Variants in RARB observed in about 807,000 individuals in gnomAD.
The protein encoded by RARB is retinoic acid receptor beta.
In RARB, 17 loss-of-function variants were observed where a neutral mutation model predicts 51.9. The ratio of observed to expected loss-of-function variants is 0.33; its 90% CI spans 0.22 to 0.49. The LOEUF (loss-of-function observed/expected upper bound fraction) is 0.49, where lower values mean the gene tolerates loss of function less well. RARB is among the 20% of genes least tolerant of loss of function. The probability of loss-of-function intolerance (pLI) is 0.99; values close to 1 mark genes in which losing one functional copy is unlikely to be tolerated. For missense variants in RARB, 369 were observed against 550.8 expected (o/e 0.67, Z 3.30); for synonymous variants, 215 against 195.4 (o/e 1.10, Z -0.84).
intron 5 of RARB, among the ~76,000 whole-genome samples, chr3:25,374,627 C>A (rs1296407792): frequency 6.6e-6 from 1 of 151,990 alleles, no homozygotes; most frequent in Non-Finnish European, 1.5e-5. Context: ...CTCCTTTTTC[C>A]TGTCAACCAG....
chr3:25,330,015 T>G (rs1681071714), intron 5 of RARB, among the ~76,000 whole-genome samples: 1 of 151,352 alleles, frequency 6.6e-6, no homozygotes. Flanking sequence ...TGGGACTATG[T>G]GAAAAGACCA....
chr3:24,893,259 TGG>T (rs1559385494), intron 2 of RARB, among the ~76,000 whole-genome samples: 1 of 152,226 alleles, frequency 6.6e-6, no homozygotes, highest in Non-Finnish European at 1.5e-5. Flanking sequence ...TAATAGTCCC[TGG>T]GAGACATTTT....
chr3:25,246,926 C>A (rs1392944374), intron 5 of RARB, among the ~76,000 whole-genome samples: 3 of 152,226 alleles, frequency 2.0e-5, no homozygotes, highest in Admixed American at 2.0e-4. Context: ...CCCACAGCTG[C>A]CCCTTCCCTC....
chr3:25,580,614 C>T lies in RARB; in HGVS notation c.678C>T (p.Thr226=), dbSNP rs879077895. ...GGGACAAATTCAGTGAACTGGCCAC[C>T]AAGTGCATTATTAAGATCGTGGAGT... ...GLWDKFSELA[T]KCIIKIVEFA... is the part of the protein sequence containing the mutation. The change falls in exon 5 of 8, where the codon ACC becomes ACT. Residue 226 remains threonine (T), a synonymous_variant. Transcript: ENST00000330688. 6.2e-7 allele frequency: 1 copy of T among 1,612,638 alleles called. No homozygotes were observed. The highest frequency in any genetic ancestry group is 1.3e-5 in the African/African-American group (1 of 75,026).
chr3:25,563,293 T>C (rs1412632660), intron 3 of RARB, among the ~76,000 whole-genome samples: 1 of 152,216 alleles, frequency 6.6e-6, no homozygotes, highest in Non-Finnish European at 1.5e-5. Context: ...GGAAATGGAA[T>C]AACTTGATTC....
rs148933148 is a variant in RARB, at chr3:25,049,573, T to C, written c.-379-10552T>C. On this transcript the variant is annotated intron_variant, in intron 2 of 11. Transcript: ENST00000383772. ...ATGCACACTTTGAATATTTTACCTC[T>C]GTAGATGTATATGTCTATACCACAT... Among the ~76,000 whole-genome samples, 10 of 152,394 alleles carry C rather than the reference T, an allele frequency of 6.6e-5. No homozygotes were observed. The East Asian group carries it at 1.9e-3, about 29-fold the overall frequency.
intron 2 of RARB, among the ~76,000 whole-genome samples, chr3:25,054,278 C>A (rs981980398): frequency 6.6e-6 from 1 of 152,088 alleles, no homozygotes; most frequent in African/African-American, 2.4e-5. Context: ...CTAAGCACTA[C>A]GTGAAATAAA....
At chr3:24,976,341 C>T (rs1575100737) in intron 2 of RARB, among the ~76,000 whole-genome samples, 1 of 152,182 alleles carries the variant, frequency 6.6e-6, no homozygotes, top group South Asian at 2.1e-4. Context: ...TGAGGAATCA[C>T]CACACTGTCT....
intron 2 of RARB, among the ~76,000 whole-genome samples, chr3:24,875,577 T>G (rs914024528): frequency 6.6e-6 from 1 of 152,150 alleles, no homozygotes; most frequent in African/African-American, 2.4e-5. Flanking sequence ...AAGCTATTAT[T>G]TGTATATATA....
intron 3 of RARB, among the ~76,000 whole-genome samples, chr3:25,063,758 G>A (rs1307173594): frequency 1.3e-5 from 2 of 151,148 alleles, no homozygotes; most frequent in Admixed American, 1.3e-4. Context: ...TGGGATGTTA[G>A]GATCTTGCAC....
At chr3:25,287,180 A>G (rs953182797) in intron 5 of RARB, among the ~76,000 whole-genome samples, 9 of 152,196 alleles carry the variant, frequency 5.9e-5, no homozygotes, top group Non-Finnish European at 1.5e-5. Context: ...ATCTTGAACA[A>G]AGTTAACAAC....
intron 2 of RARB, among the ~76,000 whole-genome samples, chr3:24,999,158 T>C (rs1459004790): frequency 6.6e-6 from 1 of 152,102 alleles, no homozygotes; most frequent in Non-Finnish European, 1.5e-5. Flanking sequence ...TTAGAATATA[T>C]AATAGGTGTA....
At chr3:25,190,217 C>T (rs1440423766) in intron 5 of RARB, among the ~76,000 whole-genome samples, 1 of 151,642 alleles carries the variant, frequency 6.6e-6, no homozygotes, top group African/African-American at 2.4e-5. Flanking sequence ...TTAAATTTTC[C>T]TCAATCTAAT....
chr3:25,257,221 T>C (rs1559334541), intron 5 of RARB, among the ~76,000 whole-genome samples: 1 of 152,096 alleles, frequency 6.6e-6, no homozygotes, highest in Admixed American at 6.6e-5. Context: ...AGATCAAAGA[T>C]TGTGCTGATG....
chr3:25,276,709 A>C (rs541837393), intron 5 of RARB, among the ~76,000 whole-genome samples: 2 of 152,318 alleles, frequency 1.3e-5, no homozygotes, highest in African/African-American at 2.4e-5. Flanking sequence ...AAAGAAAAGA[A>C]AAGCCAACTT....
At chr3:25,389,801 A>G (rs2125486150) in intron 5 of RARB, among the ~76,000 whole-genome samples, 1 of 152,354 alleles carries the variant, frequency 6.6e-6, no homozygotes, top group South Asian at 2.1e-4. Context: ...AATTAAAATA[A>G]CTAGTTATCT....
At chr3:25,188,551 A>G (rs1304559019) in intron 5 of RARB, among the ~76,000 whole-genome samples, 1 of 152,116 alleles carries the variant, frequency 6.6e-6, no homozygotes, top group African/African-American at 2.4e-5. Context: ...ATTTCCAAGG[A>G]GGTATTTTGG....
At chr3:25,190,137 T>A (rs1386465329) in intron 5 of RARB, among the ~76,000 whole-genome samples, 2 of 152,020 alleles carry the variant, frequency 1.3e-5, no homozygotes, top group Non-Finnish European at 2.9e-5. Flanking sequence ...AGGTAAATTG[T>A]CAATGGAAAA....
intron 7 of RARB, among the ~76,000 whole-genome samples, chr3:25,596,014 T>C (rs1559484974): frequency 2.6e-5 from 4 of 152,160 alleles, no homozygotes; most frequent in Admixed American, 2.6e-4. Context: ...CTGGGAGGCA[T>C]TGTTTGCATA....
Sources: gnomAD v4.1 joint callset for allele counts (sites outside exome capture counted in the v4.1 genomes callset) on GRCh38, gnomAD v4.1.1 for gene constraint, MANE v1.5 for transcripts, NCBI Gene and HGNC (gene_info 2026-07-23, HGNC 2026-07-21) for gene names.